The following LPP variants were observed in gnomAD, a reference collection of about 807,000 sequenced individuals.
LPP encodes the protein lipoma-preferred partner.
In LPP, 38 loss-of-function variants were observed where a neutral mutation model predicts 60.4. The observed-to-expected ratio is 0.63, with a 90% CI of 0.49 to 0.83. The LOEUF (loss-of-function observed/expected upper bound fraction) is 0.83. Among genes scored for constraint, LPP ranks in the 40% least tolerant of loss-of-function variants. LPP has a pLI of 0.00. For missense variants in LPP, 902 were observed against 783.6 expected (o/e 1.15, Z -1.80); for synonymous variants, 328 against 290.8 (o/e 1.13, Z -1.30).
intron 2 of LPP, among the ~76,000 whole-genome samples, chr3:188,281,058 C>A (rs1577814679): frequency 6.6e-6 from 1 of 151,792 alleles, no homozygotes. Context: ...CCTCAGCCTC[C>A]CAAGTAGCTG....
intron 7 of LPP, among the ~76,000 whole-genome samples, chr3:188,645,083 G>A (rs934877208): frequency 6.6e-6 from 1 of 152,130 alleles, no homozygotes; most frequent in African/African-American, 2.4e-5. Context: ...GCCGCTTCTG[G>A]AAAATAGTAT....
At chr3:188,266,615 A>G (rs949642928) in intron 2 of LPP, among the ~76,000 whole-genome samples, 1 of 152,086 alleles carries the variant, frequency 6.6e-6, no homozygotes. Context: ...TTTCTCATTA[A>G]TGGCTTCCAT....
In LPP at chr3:188,376,940, T is replaced by G. The variant is rs569374344; in HGVS notation, c.-9-29172T>G. ...TCTCAGCATTTGCTTGTCTGTAAAGTATTTTATTTCTCCTTCACTTATGAA... is the reference window on the plus strand; with the variant it reads ...TCTCAGCATTTGCTTGTCTGTAAAGGATTTTATTTCTCCTTCACTTATGAA... On this transcript the variant is annotated intron_variant, in intron 3 of 11. Transcript: ENST00000617246. 1.4e-4 allele frequency among the ~76,000 whole-genome samples: 21 copies of G among 152,248 alleles called. 3 individuals are homozygous for G. Among genetic ancestry groups the G allele is most frequent in the South Asian group, 8.3e-4 (4 of 4,826 alleles).
intron 9 of LPP, among the ~76,000 whole-genome samples, chr3:188,848,030 G>A (rs1761884529): frequency 6.6e-6 from 1 of 152,138 alleles, no homozygotes; most frequent in Admixed American, 6.5e-5. Flanking sequence ...ATCTCCTTAG[G>A]TACTGCTCCC....
intron 1 of LPP, among the ~76,000 whole-genome samples, chr3:188,168,117 C>A (rs117226989): frequency 7.1e-4 from 108 of 152,330 alleles, no homozygotes; most frequent in South Asian, 1.2e-3. Context: ...TTTGTGCATT[C>A]ATTCATTCTC....
intron 9 of LPP, among the ~76,000 whole-genome samples, chr3:188,771,569 AAGAAAGAAAGAAAGGG>A (rs1252567189): frequency 8.0e-4 from 118 of 147,478 alleles, no homozygotes; most frequent in Non-Finnish European, 1.5e-3. Flanking sequence ...AAAAAAAAGA[AAGAAAGAAAGAAAGGG>A]AGAAAGAAAG....
intron 9 of LPP, among the ~76,000 whole-genome samples, chr3:188,806,063 A>C (rs1399158213): frequency 6.6e-6 from 1 of 151,786 alleles, no homozygotes; most frequent in East Asian, 1.9e-4. Flanking sequence ...TATTAGGTGA[A>C]GTGTTCTATA....
intron 6 of LPP, among the ~76,000 whole-genome samples, chr3:188,577,348 C>G (rs1428335319): frequency 6.6e-6 from 1 of 152,088 alleles, no homozygotes; most frequent in African/African-American, 2.4e-5. Context: ...ATTGACAAAT[C>G]TATATGTTAT....
At chr3:188,319,054 G>A (rs1404651154) in intron 2 of LPP, among the ~76,000 whole-genome samples, 2 of 152,078 alleles carry the variant, frequency 1.3e-5, no homozygotes, top group African/African-American at 2.4e-5. Context: ...CACCGCGCCC[G>A]GCCAAAAATT....
intron 2 of LPP, among the ~76,000 whole-genome samples, chr3:188,235,183 T>C (rs1721448864): frequency 1.3e-5 from 2 of 152,150 alleles, no homozygotes; most frequent in Admixed American, 6.5e-5. Context: ...GGTGGTGCTG[T>C]CCTGGGTCTC....
intron 2 of LPP, among the ~76,000 whole-genome samples, chr3:188,317,978 G>A (rs1225162825): frequency 6.6e-6 from 1 of 152,190 alleles, no homozygotes; most frequent in East Asian, 1.9e-4. Flanking sequence ...TGGACCCTGT[G>A]TATCTGGAGT....
intron 3 of LPP, among the ~76,000 whole-genome samples, chr3:188,400,277 G>A (rs1037125280): frequency 6.6e-6 from 1 of 152,194 alleles, no homozygotes; most frequent in African/African-American, 2.4e-5. Flanking sequence ...ACAGAGTGAA[G>A]ACCGGAGATT....
intron 1 of LPP, among the ~76,000 whole-genome samples, chr3:188,165,727 A>G (rs1719736323): frequency 6.6e-6 from 1 of 152,224 alleles, no homozygotes; most frequent in African/African-American, 2.4e-5. Flanking sequence ...CAGGCAAATG[A>G]TAAAGCAAAA....
chr3:188,644,684 G>A (rs1402741110), intron 7 of LPP, among the ~76,000 whole-genome samples: 1 of 152,100 alleles, frequency 6.6e-6, no homozygotes, highest in African/African-American at 2.4e-5. Context: ...TTTTTATAAT[G>A]TGGAAGCCAA....
At chr3:188,511,278 C>T (rs866427112) in intron 5 of LPP, among the ~76,000 whole-genome samples, 7 of 111,276 alleles carry the variant, frequency 6.3e-5, no homozygotes, top group Non-Finnish European at 1.1e-4. Flanking sequence ...CCTTTCCCTC[C>T]CTTCCCTCCC....
At chr3:188,380,938 A>G (rs923893574) in intron 3 of LPP, among the ~76,000 whole-genome samples, 1 of 152,252 alleles carries the variant, frequency 6.6e-6, no homozygotes, top group African/African-American at 2.4e-5. Flanking sequence ...TGACTTGCCC[A>G]AGGTCACAGA....
intron 1 of LPP, among the ~76,000 whole-genome samples, chr3:188,169,392 GCCCC>G (rs1253901678): frequency 6.6e-6 from 1 of 152,188 alleles, no homozygotes; most frequent in Non-Finnish European, 1.5e-5. Context: ...TTCAGACAAG[GCCCC>G]TGCTCTTAAA....
At chr3:188,809,974 G>T (rs1284608902) in intron 9 of LPP, among the ~76,000 whole-genome samples, 1 of 152,012 alleles carries the variant, frequency 6.6e-6, no homozygotes, top group South Asian at 2.1e-4. Flanking sequence ...CAGGTTTGTT[G>T]AAGATCAGAT....
chr3:188,168,052 C>A (rs1225616356), intron 1 of LPP, among the ~76,000 whole-genome samples: 1 of 152,152 alleles, frequency 6.6e-6, no homozygotes, highest in African/African-American at 2.4e-5. Context: ...GCTGAAGACG[C>A]TTGATATAAA....
Sources: gnomAD v4.1 joint callset for allele counts (sites outside exome capture counted in the v4.1 genomes callset) on GRCh38, gnomAD v4.1.1 for gene constraint, MANE v1.5 for transcripts, NCBI Gene and HGNC (gene_info 2026-07-23, HGNC 2026-07-21) for gene names.